The following EME2 variants were observed in gnomAD, a reference collection of about 807,000 sequenced individuals.
The protein encoded by EME2 is structure-specific endonuclease subunit EME2.
A neutral mutation model predicts 41.9 loss-of-function variants in EME2; 58 were observed. The ratio of observed to expected loss-of-function variants is 1.38; its 90% CI spans 1.12 to 1.72. EME2 has a LOEUF of 1.72. Among genes scored for constraint, EME2 ranks in the 40% most tolerant of loss-of-function variants. The pLI is 0.00. For missense variants in EME2, 695 were observed against 541.9 expected (o/e 1.28, Z -2.81); for synonymous variants, 334 against 239.3 (o/e 1.40, Z -3.65).
chr16:1,777,627 G>C lies in EME2; in HGVS notation c.*1389G>C. Reference sequence around the variant, plus strand: ...ACTGTCCCACCCCCTGGGACCCTGGGGCCTCAGGCTTCTGGGAGGAACCCT... The same window carrying C: ...ACTGTCCCACCCCCTGGGACCCTGGCGCCTCAGGCTTCTGGGAGGAACCCT... On this transcript the variant is annotated 3_prime_UTR_variant, in exon 8 of 8. Transcript: ENST00000568449. 6.7e-7 allele frequency: 1 copy of C among 1,503,548 alleles called. No homozygotes were observed. Among genetic ancestry groups the C allele is most frequent in the South Asian group, 1.3e-5 (1 of 79,378 alleles). 93.1% of individuals were successfully genotyped at this position (1,503,548 alleles called of 1,614,324 possible).
In EME2 at chr16:1,778,103, C is replaced by T. The variant is rs774021746; in HGVS notation, c.*1865C>T. 1.2e-6 allele frequency: 2 copies of T among 1,612,944 alleles called. No homozygotes were observed. Among genetic ancestry groups the T allele is most frequent in the Non-Finnish European group, 1.7e-6 (2 of 1,179,924 alleles). The stretch of plus-strand genomic sequence containing the variant: ...GGGCTGGGCTGCCGGAGCCAGGTTC[C>T]CCAGAAGCACCCTGGGCCGAAGCAA... On this transcript the variant is annotated 3_prime_UTR_variant, in exon 8 of 8. Coordinates refer to ENST00000568449, the MANE Select transcript of EME2 (RefSeq NM_001257370.2).
At position 1,773,341 on chromosome 16, in the gene EME2, T is replaced by C. The variant is rs1596845443; in HGVS notation, c.114T>C (p.Ala38=). The change falls in exon 1 of 8, where the codon GCT becomes GCC. Residue 38 remains alanine, a synonymous_variant. Transcript: ENST00000568449. ...CCTGGGAGATCTCAGACTCCGACGC[T>C]GAGGACTCCGCCGGCTCGGAGGCCG... ...PPTWEISDSD[A]EDSAGSEAAA... 6.6e-7 allele frequency: 1 copy of C among 1,518,750 alleles called. No homozygotes were observed. The highest frequency in any genetic ancestry group is 8.7e-7 in the Non-Finnish European group (1 of 1,143,210). 94.1% of individuals were successfully genotyped at this position (1,518,750 alleles called of 1,614,324 possible).
In EME2 at chr16:1,776,378, G is replaced by C; in HGVS notation, c.*140G>C. On this transcript the variant is annotated 3_prime_UTR_variant, in exon 8 of 8. Transcript: ENST00000568449. ...CTGAGCAGGTCTGACCTCAGGGGAA[G>C]GGTGGGTGGTTGCAGGGGAAGTTTT... is the stretch of plus-strand genomic sequence containing the variant. 1 of 743,954 alleles carries C rather than the reference G, an allele frequency of 1.3e-6. No homozygotes were observed. The highest frequency in any genetic ancestry group is 2.2e-6 in the Non-Finnish European group (1 of 461,592). 46.1% of individuals were successfully genotyped at this position (743,954 alleles called of 1,614,324 possible).
Position 1,777,671 on chromosome 16 carries a change from C to G in EME2, c.*1433C>G. On this transcript the variant is annotated 3_prime_UTR_variant, in exon 8 of 8. Transcript: ENST00000568449. Reference sequence around the variant, plus strand: ...GAACCCTTTCAGAAAACCTCAGTGTCCCCTGGGCTGGGGCGGGGTGGCTGC... The same window carrying G: ...GAACCCTTTCAGAAAACCTCAGTGTGCCCTGGGCTGGGGCGGGGTGGCTGC... 6.3e-7 allele frequency: 1 copy of G among 1,585,114 alleles called. No homozygotes were observed. Among genetic ancestry groups the G allele is most frequent in the Non-Finnish European group, 8.6e-7 (1 of 1,165,400 alleles).
rs1294651032 is a variant in EME2, at chr16:1,777,230, T to G, written c.*992T>G. 6.2e-7 allele frequency: 1 copy of G among 1,610,772 alleles called. No homozygotes were observed. The highest frequency in any genetic ancestry group is 8.5e-7 in the Non-Finnish European group (1 of 1,179,816). On this transcript the variant is annotated 3_prime_UTR_variant, in exon 8 of 8. Transcript: ENST00000568449. ...ACTCATGCTCAGGACCCAGCCCAGC[T>G]TGTTGTGTAGCACCTGCTTGAGGCC... is the stretch of plus-strand genomic sequence containing the variant.
At position 1,775,824 on chromosome 16, in the gene EME2, C is replaced by T; in HGVS notation, c.807C>T (p.Ser269=). The part of the protein sequence containing the change: ...LKQYRESQAF[S]FCTAGRWAAG... ...AGTACCGGGAATCCCAGGCCTTCTC[C>T]TTCTGCACAGCAGGGCGCTGGGCAG... The change falls in exon 7 of 8, where the codon TCC becomes TCT. Residue 269 remains serine (S), a synonymous_variant. Coordinates refer to ENST00000568449, the MANE Select transcript of EME2 (RefSeq NM_001257370.2). 1 of 1,612,300 alleles carries T rather than the reference C, an allele frequency of 6.2e-7. No individual in the cohort carries two copies. The highest frequency in any genetic ancestry group is 8.5e-7 in the Non-Finnish European group (1 of 1,179,580).
Position 1,776,929 on chromosome 16 carries a change from G to A in EME2, c.*691G>A, listed in dbSNP as rs556324697. On this transcript the variant is annotated 3_prime_UTR_variant, in exon 8 of 8. Transcript: ENST00000568449. ...AGCACAGCAGCAGAGGGGCCCTAGA[G>A]CCCCCACAGAAAGGACTGTCCCAGC... 1 of 760,852 alleles carries A rather than the reference G, an allele frequency of 1.3e-6. No homozygotes were observed. 47.1% of individuals were successfully genotyped at this position (760,852 alleles called of 1,614,324 possible).
At position 1,775,945 on chromosome 16, in the gene EME2, GC is replaced by G. The variant is rs779513633; in HGVS notation, c.929del (p.Ala310GlufsTer57). 8.6e-5 allele frequency: 139 copies of G among 1,611,420 alleles called. No homozygotes were observed. The highest frequency in any genetic ancestry group is 1.1e-4 in the Non-Finnish European group (128 of 1,179,702). ...TCGGGTCAGCCCAGCCGTGGCTGAT[GC>G]AGTTGTCACAGCCTTCCCCTCCCCC... The part of the protein sequence containing the change: ...FSRVSPAVAD[A>X]VVTAFPSPRL... On this transcript the variant is annotated frameshift_variant, in exon 7 of 8. Coordinates refer to ENST00000568449, the MANE Select transcript of EME2 (RefSeq NM_001257370.2). LOFTEE classifies it low-confidence loss of function (END_TRUNC).
At position 1,778,346 on chromosome 16, in the gene EME2, C is replaced by T. The variant is rs958273887; in HGVS notation, c.*2108C>T. 4 of 1,611,198 alleles carry T rather than the reference C, an allele frequency of 2.5e-6. No individual in the cohort carries two copies. Among genetic ancestry groups the T allele is most frequent in the East Asian group, 2.2e-5 (1 of 44,880 alleles). ...TCTGCAAGAGAGGCCCAGGCTGGGG[C>T]AGCCCTGAGAGCTCCATGGGGCTCT... On this transcript the variant is annotated 3_prime_UTR_variant, in exon 8 of 8. Transcript: ENST00000568449.
chr16:1,775,721 C>T (rs2042701102), intron 6 of EME2, 37 bp downstream of exon 6: 4 of 1,612,772 alleles, frequency 2.5e-6, no homozygotes, highest in Non-Finnish European at 3.4e-6. Flanking sequence ...GCAGGATCAC[C>T]TCAAGGTAGT....
Position 1,775,806 on chromosome 16 carries a change from G to A in EME2, c.789G>A (p.Arg263=). 6.2e-7 allele frequency: 1 copy of A among 1,612,462 alleles called. No individual in the cohort carries two copies. The highest frequency in any genetic ancestry group is 8.5e-7 in the Non-Finnish European group (1 of 1,179,732). ...ALAQYPLKQY[R]ESQAFSFCTA... is the part of the protein sequence containing the mutation. ...TTCTCTCTGTCCCCAGGCAGTACCG[G>A]GAATCCCAGGCCTTCTCCTTCTGCA... is the stretch of plus-strand genomic sequence containing the variant. The change falls in exon 7 of 8, where the codon CGG becomes CGA. Residue 263 remains arginine (R), a synonymous_variant. Transcript: ENST00000568449.
At position 1,781,285 on chromosome 16, in the gene EME2, A is replaced by G. The variant is rs1313930925; in HGVS notation, c.*5047A>G. ...TCTCCGACTGATTCCGTGTTCAGGT[A>G]ATGTCTGCCTGCCTGCCTAGGGCAT... On this transcript the variant is annotated 3_prime_UTR_variant, in exon 8 of 8. Coordinates refer to ENST00000568449, the MANE Select transcript of EME2 (RefSeq NM_001257370.2). The G allele has an allele frequency of 3.7e-6, 6 of 1,611,996 alleles. No individual in the cohort carries two copies. Among genetic ancestry groups the G allele is most frequent in the Non-Finnish European group, 5.1e-6 (6 of 1,179,918 alleles).
rs762528369 is a variant in EME2 at position 1,776,919 on chromosome 16, G to A, written c.*681G>A. On this transcript the variant is annotated 3_prime_UTR_variant, in exon 8 of 8. Transcript: ENST00000568449. ...TTCCCCACCCAGCACAGCAGCAGAG[G>A]GGCCCTAGAGCCCCCACAGAAAGGA... The A allele has an allele frequency of 1.4e-6, 1 of 705,738 alleles. No homozygotes were observed. 43.7% of individuals were successfully genotyped at this position (705,738 alleles called of 1,614,324 possible). A position where few individuals can be genotyped will look rare whatever the true frequency, so the allele number is the denominator to read the frequency against.
rs752939476 is a variant in EME2 at position 1,775,823 on chromosome 16, CCTT to C, written c.809_811del (p.Phe270del). On this transcript the variant is annotated inframe_deletion, in exon 7 of 8. Transcript: ENST00000568449. ...CAGTACCGGGAATCCCAGGCCTTCT[CCTT>C]CTGCACAGCAGGGCGCTGGGCAGCC... 8.7e-5 allele frequency: 141 copies of C among 1,612,318 alleles called. No homozygotes were observed. Among genetic ancestry groups the C allele is most frequent in the Non-Finnish European group, 1.2e-4 (139 of 1,179,760 alleles).
chr16:1,774,161 G>A (rs2042674646), intron 2 of EME2, 99 bp from the exon 3 acceptor site: 5 of 1,089,706 alleles, frequency 4.6e-6, no homozygotes, highest in East Asian at 4.8e-5. Context: ...CCTGGGCTTG[G>A]CTGGGGCCAC....
In EME2 at chr16:1,774,269, G is replaced by A. The variant is rs749623654; in HGVS notation, c.394G>A (p.Glu132Lys). 5 of 1,612,690 alleles carry A rather than the reference G, an allele frequency of 3.1e-6. No individual in the cohort carries two copies. Among genetic ancestry groups the A allele is most frequent in the Non-Finnish European group, 4.2e-6 (5 of 1,179,906 alleles). Residue 132 changes from glutamate to lysine, a missense_variant, in exon 3 of 8, where the codon GAA (glutamate) becomes AAA (lysine). Physicochemically the swap from Glu to Lys is moderately conservative, Grantham distance 56. Coordinates refer to ENST00000568449, the MANE Select transcript of EME2 (RefSeq NM_001257370.2). ...PDPCPRSLPP[E>K]VWAAGEQELL... is the part of the protein sequence containing the mutation. ...CCCCATGTCCCCACAGCTGCCTCCT[G>A]AAGTGTGGGCTGCAGGTGAACAGGA...
At chr16:1,775,274 G>A (rs756900530) in intron 4 of EME2, 41 bp from the exon 5 acceptor site, 11 of 1,600,178 alleles carry the variant, frequency 6.9e-6, no homozygotes, top group East Asian at 4.5e-5. Context: ...GGGCAGGGCA[G>A]GCCCCATGGG....
rs745515095 is a variant in EME2 at position 1,773,467 on chromosome 16, G to T, written c.240G>T (p.Val80=). The change falls in exon 1 of 8, where the codon GTG becomes GTT. Residue 80 remains valine (V), a synonymous_variant. Transcript: ENST00000568449. ...TCCTGAAGCGCCTCGCGGTGTGCGT[G>T]GACACAGGTGCGGCGGAGGGCACGG... ...EQVLKRLAVC[V]DTAILEDAGA... is the part of the protein sequence containing the mutation. 1 of 1,579,228 alleles carries T rather than the reference G, an allele frequency of 6.3e-7. No homozygotes were observed. Among genetic ancestry groups the T allele is most frequent in the Non-Finnish European group, 8.5e-7 (1 of 1,171,932 alleles).
rs760958116 is a variant in EME2, at chr16:1,775,812, C to A, written c.795C>A (p.Ser265=). 1 of 1,612,506 alleles carries A rather than the reference C, an allele frequency of 6.2e-7. No homozygotes were observed. Among genetic ancestry groups the A allele is most frequent in the Non-Finnish European group, 8.5e-7 (1 of 1,179,786 alleles). The part of the protein sequence containing the change: ...AQYPLKQYRE[S]QAFSFCTAGR... ...CTGTCCCCAGGCAGTACCGGGAATC[C>A]CAGGCCTTCTCCTTCTGCACAGCAG... The change falls in exon 7 of 8, where the codon TCC becomes TCA. Residue 265 remains serine, a synonymous_variant. Coordinates refer to ENST00000568449, the MANE Select transcript of EME2 (RefSeq NM_001257370.2).
Sources: allele counts gnomAD v4.1 joint callset, GRCh38; gene constraint gnomAD v4.1.1; transcripts MANE v1.5; gene names NCBI Gene and HGNC (gene_info 2026-07-23, HGNC 2026-07-21).